Variants in ANKS1B observed in about 807,000 individuals in gnomAD.
ANKS1B encodes ankyrin repeat and sterile alpha motif domain-containing protein 1B.
A neutral mutation model predicts 148.3 loss-of-function variants in ANKS1B; 36 were observed. The ratio of observed to expected loss-of-function variants is 0.24; its 90% CI spans 0.19 to 0.32. The LOEUF (loss-of-function observed/expected upper bound fraction) is 0.32, where lower values mean the gene tolerates loss of function less well. ANKS1B is among the 10% of genes least tolerant of loss of function. ANKS1B has a pLI of 1.00. For synonymous variants in ANKS1B, 542 were observed against 560.8 expected, an observed-to-expected ratio of 0.97 and a Z score of 0.47; for missense variants, 1,157 against 1,542.6, an observed-to-expected ratio of 0.75 and a Z score of 4.19.
intron 9 of ANKS1B, among the ~76,000 whole-genome samples, chr12:99,591,832 AT>A (rs1332974733): frequency 6.6e-6 from 1 of 152,168 alleles, no homozygotes; most frequent in Non-Finnish European, 1.5e-5. Flanking sequence ...AGTCAAAGCC[AT>A]TGAGTCTTGC....
chr12:99,172,744 T>C, intron 14 of ANKS1B, among the ~76,000 whole-genome samples: 1 of 148,874 alleles, frequency 6.7e-6, no homozygotes, highest in Admixed American at 6.9e-5. Context: ...TACAAAGTGA[T>C]GAAAAATAAT....
intron 17 of ANKS1B, among the ~76,000 whole-genome samples, chr12:98,935,538 G>A (rs535402271): frequency 6.6e-6 from 1 of 152,302 alleles, no homozygotes; most frequent in African/African-American, 2.4e-5. Flanking sequence ...GGAAGAGTTT[G>A]AGAAAGATCG....
At chr12:99,239,395 C>T (rs1030489945) in intron 14 of ANKS1B, among the ~76,000 whole-genome samples, 2 of 152,146 alleles carry the variant, frequency 1.3e-5, no homozygotes, top group African/African-American at 4.8e-5. Context: ...ATGAACAAAG[C>T]CTCCAAGAAA....
chr12:99,354,370 A>G (rs1188704466), intron 12 of ANKS1B, among the ~76,000 whole-genome samples: 1 of 152,046 alleles, frequency 6.6e-6, no homozygotes, highest in African/African-American at 2.4e-5. Context: ...GAAATCATAA[A>G]TATAGTGGTC....
At chr12:99,983,971 A>C in intron 1 of ANKS1B, 133 bp downstream of exon 1, 1 of 753,164 alleles carries the variant, frequency 1.3e-6, no homozygotes, top group Non-Finnish European at 2.2e-6. Flanking sequence ...CCATACACGC[A>C]GTCTGTTTTC....
At chr12:98,908,266 C>A (rs895732497) in intron 17 of ANKS1B, among the ~76,000 whole-genome samples, 3 of 152,206 alleles carry the variant, frequency 2.0e-5, no homozygotes, top group Admixed American at 6.5e-5. Context: ...ATAGCCAGAC[C>A]TGTAGTTGAC....
chr12:99,390,428 T>C (rs2094017879), intron 12 of ANKS1B, among the ~76,000 whole-genome samples: 1 of 152,114 alleles, frequency 6.6e-6, no homozygotes, highest in Non-Finnish European at 1.5e-5. Flanking sequence ...ATCTATTGTA[T>C]AGACAAATGA....
intron 12 of ANKS1B, among the ~76,000 whole-genome samples, chr12:99,388,500 GGA>G (rs1593712792): frequency 6.6e-6 from 1 of 152,186 alleles, no homozygotes; most frequent in Non-Finnish European, 1.5e-5. Context: ...CAGAGCAGAT[GGA>G]GAGAGGGACA....
intron 1 of ANKS1B, among the ~76,000 whole-genome samples, chr12:99,959,385 G>A (rs2095375565): frequency 6.6e-6 from 1 of 151,820 alleles, no homozygotes; most frequent in South Asian, 2.1e-4. Context: ...CCAAGAACAT[G>A]CTTTTTAAAA....
At chr12:99,777,718 G>A (rs1414776793) in intron 6 of ANKS1B, among the ~76,000 whole-genome samples, 1 of 151,974 alleles carries the variant, frequency 6.6e-6, no homozygotes, top group East Asian at 2.0e-4. Context: ...CCAAGTAGCT[G>A]GGACTACAGG....
At chr12:99,089,344 T>A (rs114440593) in intron 15 of ANKS1B, among the ~76,000 whole-genome samples, 8 of 152,206 alleles carry the variant, frequency 5.3e-5, no homozygotes, top group African/African-American at 1.9e-4. Context: ...GAATAAGCTG[T>A]TCCCCCCCAT....
chr12:99,040,492 CTGT>C (rs1351106279), intron 17 of ANKS1B, among the ~76,000 whole-genome samples: 1 of 152,178 alleles, frequency 6.6e-6, no homozygotes, highest in East Asian at 1.9e-4. Flanking sequence ...GATGTTCATT[CTGT>C]TGTTAAACGT....
At chr12:99,880,011 T>C (rs1331713137) in intron 1 of ANKS1B, among the ~76,000 whole-genome samples, 1 of 152,196 alleles carries the variant, frequency 6.6e-6, no homozygotes, top group East Asian at 1.9e-4. Flanking sequence ...TGCCTAGCCT[T>C]AAATCCTGTC....
intron 25 of ANKS1B, among the ~76,000 whole-genome samples, chr12:98,757,584 C>T (rs986008750): frequency 2.6e-5 from 4 of 152,158 alleles, no homozygotes; most frequent in Non-Finnish European, 5.9e-5. Flanking sequence ...TGTGGGGAAG[C>T]TCACTGATCA....
At chr12:99,541,559 A>C (rs959852867) in intron 9 of ANKS1B, among the ~76,000 whole-genome samples, 15 of 152,168 alleles carry the variant, frequency 9.9e-5, no homozygotes, top group Non-Finnish European at 2.9e-5. Flanking sequence ...AGTGCATTTG[A>C]CAAAATGTAA....
At chr12:99,590,096 G>GA (rs2097684897) in intron 9 of ANKS1B, among the ~76,000 whole-genome samples, 2 of 151,860 alleles carry the variant, frequency 1.3e-5, no homozygotes. Context: ...ATATAATGCT[G>GA]AAAAAAGTAC....
intron 1 of ANKS1B, among the ~76,000 whole-genome samples, chr12:99,949,961 T>G (rs193231879): frequency 3.4e-4 from 51 of 149,550 alleles, no homozygotes; most frequent in Non-Finnish European, 6.5e-4. Flanking sequence ...CCACTCTTAT[T>G]TGTTTGTTTG....
At chr12:99,335,367 T>C (rs1478620113) in intron 12 of ANKS1B, among the ~76,000 whole-genome samples, 1 of 152,046 alleles carries the variant, frequency 6.6e-6, no homozygotes, top group Non-Finnish European at 1.5e-5. Context: ...ATTCCAATTA[T>C]ATTGTTTTAG....
intron 15 of ANKS1B, among the ~76,000 whole-genome samples, chr12:99,109,971 A>C (rs2059972995): frequency 6.6e-6 from 1 of 152,208 alleles, no homozygotes; most frequent in Non-Finnish European, 1.5e-5. Flanking sequence ...AGGCCCAGAG[A>C]AGGGAACACC....
Sources: allele counts gnomAD v4.1 joint callset (sites outside exome capture counted in the v4.1 genomes callset), GRCh38; gene constraint gnomAD v4.1.1; transcripts MANE v1.5; gene names NCBI Gene and HGNC (gene_info 2026-07-23, HGNC 2026-07-21).